PRKN: variants seen among roughly 807,000 people sequenced by gnomAD.
PRKN encodes the protein E3 ubiquitin-protein ligase parkin.
A neutral mutation model predicts 59.5 loss-of-function variants in PRKN; 56 were observed. The observed-to-expected ratio is 0.94, with a 90% CI of 0.76 to 1.18. PRKN has a LOEUF of 1.18. Ranked by LOEUF, PRKN falls within the 50% of genes most tolerant of loss-of-function variation. PRKN has a pLI of 0.00. For missense variants in PRKN, 657 were observed against 596.4 expected (o/e 1.10, Z -1.06); for synonymous variants, 250 against 222.1 (o/e 1.13, Z -1.12).
At position 161,750,098 on chromosome 6, in the gene PRKN, C is replaced by CATAT. The variant is rs72125109; in HGVS notation, c.871+35670_871+35673dup. Reference sequence around the variant, plus strand: ...ATTAATGGATATAGCACACATAGGACATATATATATATATATATATACACA... The same window carrying CATAT: ...ATTAATGGATATAGCACACATAGGACATATATATATATATATATATATATACACA... On this transcript the variant is annotated intron_variant, in intron 7 of 11. Coordinates refer to ENST00000366898, the MANE Select transcript of PRKN (RefSeq NM_004562.3). 4.4e-3 allele frequency among the ~76,000 whole-genome samples: 638 copies of CATAT among 145,100 alleles called. 5 individuals carry two copies. The highest frequency in any genetic ancestry group is 0.02 in the South Asian group (89 of 4,516).
intron 7 of PRKN, among the ~76,000 whole-genome samples, chr6:161,720,347 G>A (rs934122113): frequency 6.6e-6 from 1 of 152,114 alleles, no homozygotes; most frequent in African/African-American, 2.4e-5. Context: ...ATGCAGGAGG[G>A]TAACTCACAG....
chr6:161,825,031 T>C (rs1476320768), intron 6 of PRKN, among the ~76,000 whole-genome samples: 2 of 152,178 alleles, frequency 1.3e-5, no homozygotes. Flanking sequence ...GTTGTCATAT[T>C]TCCAATAATT....
At chr6:161,790,351 A>C (rs866945577) in intron 6 of PRKN, among the ~76,000 whole-genome samples, 1 of 152,120 alleles carries the variant, frequency 6.6e-6, no homozygotes, top group South Asian at 2.1e-4. Context: ...AACAGAGGAG[A>C]TTCTGGCCAG....
chr6:162,151,805 A>T (rs370238761), intron 4 of PRKN, among the ~76,000 whole-genome samples: 1 of 152,152 alleles, frequency 6.6e-6, no homozygotes, highest in Non-Finnish European at 1.5e-5. Context: ...GTAATAATCA[A>T]TTTTTTTATT....
intron 4 of PRKN, among the ~76,000 whole-genome samples, chr6:162,137,381 C>T (rs1242575532): frequency 4.3e-4 from 66 of 152,140 alleles, no homozygotes; most frequent in Admixed American, 4.3e-3. Context: ...GTAGAGATTA[C>T]AGGAAGCAGG....
At chr6:162,334,720 T>C (rs754135594) in intron 2 of PRKN, among the ~76,000 whole-genome samples, 3 of 152,194 alleles carry the variant, frequency 2.0e-5, no homozygotes, top group Non-Finnish European at 4.4e-5. Context: ...GTCCCAGATA[T>C]TGAGTCTTCT....
chr6:161,874,399 AAATATTATATATAAAATATAT>A (rs1794556748), intron 6 of PRKN, among the ~76,000 whole-genome samples: 2 of 95,712 alleles, frequency 2.1e-5, no homozygotes, highest in Non-Finnish European at 3.6e-5. Context: ...ATTATATGTA[AAATATTATATATAAAATATAT>A]ATTATATGTA....
At chr6:162,009,421 T>A (rs902404167) in intron 5 of PRKN, among the ~76,000 whole-genome samples, 1 of 151,794 alleles carries the variant, frequency 6.6e-6, no homozygotes, top group African/African-American at 2.4e-5. Context: ...AACACCTACA[T>A]GACAATTTCA....
intron 1 of PRKN, among the ~76,000 whole-genome samples, chr6:162,541,123 T>C (rs571973207): frequency 6.6e-5 from 10 of 152,282 alleles, no homozygotes; most frequent in Admixed American, 2.6e-4. Context: ...ACGGAGTCCC[T>C]CCTAGGTGCC....
At chr6:161,563,562 G>A (rs1041138633) in intron 8 of PRKN, among the ~76,000 whole-genome samples, 7 of 152,146 alleles carry the variant, frequency 4.6e-5, no homozygotes, top group African/African-American at 1.7e-4. Flanking sequence ...GGTGCTATAT[G>A]AATATGAATT....
intron 6 of PRKN, among the ~76,000 whole-genome samples, chr6:161,886,756 A>AATAAAAT (rs1554241162): frequency 9.6e-5 from 14 of 146,432 alleles, no homozygotes; most frequent in African/African-American, 3.3e-4. Context: ...TAAAATAAAA[A>AATAAAAT]AAAATAAAAT....
intron 9 of PRKN, among the ~76,000 whole-genome samples, chr6:161,521,182 G>A (rs1053696353): frequency 1.3e-5 from 2 of 150,654 alleles, no homozygotes; most frequent in East Asian, 2.0e-4. Context: ...GATGAAGCAG[G>A]AGACTTCTAG....
chr6:161,413,278 A>G lies in PRKN; in HGVS notation c.1084-26401T>C, dbSNP rs994048108. On this transcript the variant is annotated intron_variant, in intron 9 of 11. Coordinates refer to ENST00000366898, the MANE Select transcript of PRKN (RefSeq NM_004562.3). The surrounding 1 kb of genome is among the most constrained non-coding windows in gnomAD (Gnocchi z 4.4). Reference sequence around the variant, plus strand: ...GAGGGTCTGTAAGACTCCCCGTGACATTCCTGTTCCTTGTTCCACTGCCAG... The same window carrying G: ...GAGGGTCTGTAAGACTCCCCGTGACGTTCCTGTTCCTTGTTCCACTGCCAG... Among the ~76,000 whole-genome samples the G allele has an allele frequency of 8.6e-5, 13 of 152,002 alleles. No individual in the cohort carries two copies. The highest frequency in any genetic ancestry group is 6.5e-4 in the Admixed American group (10 of 15,270).
rs71004079 is a variant in PRKN at position 162,096,848 on chromosome 6, A to ATTTTTT, written c.535-42680_535-42675dup. On this transcript the variant is annotated intron_variant, in intron 4 of 11. Transcript: ENST00000366898. The stretch of plus-strand genomic sequence containing the variant: ...GTGAGAATGGACTCATACAGCTGGA[A>ATTTTTT]TTTTTTTTTTTTTTTTTTTTTTTTT... 2.5e-3 allele frequency among the ~76,000 whole-genome samples: 121 copies of ATTTTTT among 49,212 alleles called. 12 individuals are homozygous for ATTTTTT. Among genetic ancestry groups the ATTTTTT allele is most frequent in the African/African-American group, 8.7e-3 (98 of 11,244 alleles). 32.3% of individuals were successfully genotyped at this position (49,212 alleles called of 152,430 possible).
In PRKN at chr6:161,796,443, G is replaced by A. The variant is rs143746482; in HGVS notation, c.735-10535C>T. ...TTTGGTTTACCCTAGCTTTCTTGCC[G>A]AGGCTTTTATACTAGAAAACAGACA... On this transcript the variant is annotated intron_variant, in intron 6 of 11. Transcript: ENST00000366898. Among the ~76,000 whole-genome samples the A allele has an allele frequency of 2.1e-3, 322 of 152,214 alleles. 2 individuals carry two copies. The highest frequency in any genetic ancestry group is 7.5e-3 in the African/African-American group (310 of 41,556).
At position 161,584,064 on chromosome 6, in the gene PRKN, G is replaced by A. The variant is rs9456686; in HGVS notation, c.872-14648C>T. ...GAGGCCAATGTCCCCCAGTTTCCCA[G>A]AGTATTAGAGACACAACCCTCCCCT... On this transcript the variant is annotated intron_variant, in intron 7 of 11. Coordinates refer to ENST00000366898, the MANE Select transcript of PRKN (RefSeq NM_004562.3). This position sits in a 1 kb window ranked among gnomAD's most constrained non-coding sequence, Gnocchi z 4.8. 0.011 allele frequency among the ~76,000 whole-genome samples: 1,734 copies of A among 152,270 alleles called. 35 individuals are homozygous for A. The highest frequency in any genetic ancestry group is 0.038 in the African/African-American group (1,571 of 41,532).
intron 5 of PRKN, among the ~76,000 whole-genome samples, chr6:161,997,376 T>C (rs1382669078): frequency 6.6e-6 from 1 of 152,130 alleles, no homozygotes; most frequent in Non-Finnish European, 1.5e-5. Context: ...TCTGGACGGC[T>C]GGGAACTTGA....
intron 6 of PRKN, among the ~76,000 whole-genome samples, chr6:161,863,462 T>C (rs1295073750): frequency 6.6e-6 from 1 of 152,238 alleles, no homozygotes; most frequent in Non-Finnish European, 1.5e-5. Flanking sequence ...TTAACAAGTA[T>C]GCCCCCTTAT....
At chr6:162,608,908 C>T (rs1188048178) in intron 1 of PRKN, among the ~76,000 whole-genome samples, 3 of 152,076 alleles carry the variant, frequency 2.0e-5, no homozygotes, top group Non-Finnish European at 2.9e-5. Flanking sequence ...AGGGTATCTA[C>T]TGGGGCATGG....
Sources: allele counts gnomAD v4.1 joint callset (sites outside exome capture counted in the v4.1 genomes callset), GRCh38; gene constraint gnomAD v4.1.1; non-coding constraint Gnocchi (gnomAD v3.1); transcripts MANE v1.5; gene names NCBI Gene and HGNC (gene_info 2026-07-23, HGNC 2026-07-21).